The following TASP1 variants were observed in gnomAD, a reference collection of about 807,000 sequenced individuals.
TASP1 encodes the protein taspase 1.
A neutral mutation model predicts 56.6 loss-of-function variants in TASP1; 16 were observed. The observed-to-expected ratio is 0.28, with a 90% CI of 0.19 to 0.43. The LOEUF (loss-of-function observed/expected upper bound fraction) is 0.43, where lower values mean the gene tolerates loss of function less well. TASP1 is among the 20% of genes least tolerant of loss of function. TASP1 has a pLI of 1.00. For missense variants in TASP1, 393 were observed against 511.6 expected, an observed-to-expected ratio of 0.77 and a Z score of 2.24; for synonymous variants, 179 against 184.2, an observed-to-expected ratio of 0.97 and a Z score of 0.23.
the TASP1 span, among the ~76,000 whole-genome samples, chr20:13,151,865 A>T: frequency 6.6e-6 from 1 of 152,084 alleles, no homozygotes; most frequent in Non-Finnish European, 1.5e-5. Flanking sequence ...CTCTACCTAA[A>T]GTGAAGGGGG....
the TASP1 span, among the ~76,000 whole-genome samples, chr20:13,133,597 G>A: frequency 7.2e-5 from 11 of 152,166 alleles, no homozygotes; most frequent in African/African-American, 2.2e-4. Flanking sequence ...AGCTGGGCAT[G>A]GTGGCACAAA....
intron 10 of TASP1, among the ~76,000 whole-genome samples, chr20:13,505,654 G>A (rs948646637): frequency 7.2e-5 from 11 of 152,092 alleles, no homozygotes; most frequent in African/African-American, 2.7e-4. Flanking sequence ...AACACACTCT[G>A]AAAGAAACAA....
the TASP1 span, among the ~76,000 whole-genome samples, chr20:13,263,203 T>G: frequency 5.4e-4 from 82 of 152,306 alleles, 1 homozygote; most frequent in East Asian, 0.014. Context: ...GGGGAATGAT[T>G]GCCATCATAC....
At chr20:13,394,307 C>CAAAAAAAAAAAAAAAAAAAAAAAAAGAAA (rs57418361) in intron 13 of TASP1, among the ~76,000 whole-genome samples, 1 of 42,948 alleles carries the variant, frequency 2.3e-5, no homozygotes, top group African/African-American at 9.2e-5. Context: ...CACTCCCTCT[C>CAAAAAAAAAAAAAAAAAAAAAAAAAGAAA]AAAAAAAAAA....
At chr20:13,468,813 A>T (rs551726205) in intron 11 of TASP1, among the ~76,000 whole-genome samples, 2 of 152,138 alleles carry the variant, frequency 1.3e-5, no homozygotes, top group Non-Finnish European at 2.9e-5. Flanking sequence ...CTTAGGAGAA[A>T]AAAAATTTGC....
chr20:13,198,148 A>AT, the TASP1 span, among the ~76,000 whole-genome samples: 3 of 152,064 alleles, frequency 2.0e-5, no homozygotes, highest in East Asian at 3.8e-4. Flanking sequence ...GAATATCTAG[A>AT]TTTTTTTTAT....
chr20:13,499,228 A>G (rs2043851959), intron 10 of TASP1, among the ~76,000 whole-genome samples: 1 of 152,172 alleles, frequency 6.6e-6, no homozygotes, highest in Non-Finnish European at 1.5e-5. Flanking sequence ...CAAATACCAC[A>G]TGTTCACACC....
intron 4 of TASP1, among the ~76,000 whole-genome samples, chr20:13,609,226 C>CA (rs1409640913): frequency 6.6e-6 from 1 of 152,028 alleles, no homozygotes; most frequent in Non-Finnish European, 1.5e-5. Flanking sequence ...AAATGAAAAC[C>CA]AAAACTACAA....
At chr20:13,506,583 T>A (rs2044140445) in intron 10 of TASP1, among the ~76,000 whole-genome samples, 2 of 152,054 alleles carry the variant, frequency 1.3e-5, no homozygotes, top group Non-Finnish European at 2.9e-5. Flanking sequence ...TAAGGATGGC[T>A]CCCATATGCA....
chr20:13,441,322 C>T (rs1206147878), intron 11 of TASP1, among the ~76,000 whole-genome samples: 2 of 152,306 alleles, frequency 1.3e-5, no homozygotes, highest in South Asian at 2.1e-4. Context: ...GTGAACAAAG[C>T]CCCTGCATAC....
At chr20:13,160,260 A>T in the TASP1 span, 1 of 1,150,204 alleles carries the variant, frequency 8.7e-7, no homozygotes. Context: ...CACTGACAAA[A>T]GTCACTGCCA....
chr20:13,183,095 C>A, the TASP1 span, among the ~76,000 whole-genome samples: 1 of 152,202 alleles, frequency 6.6e-6, no homozygotes, highest in Non-Finnish European at 1.5e-5. Flanking sequence ...AAACATGATG[C>A]AAGCTGAGGC....
At chr20:13,538,002 C>CTT (rs202194017) in intron 8 of TASP1, among the ~76,000 whole-genome samples, 9 of 139,580 alleles carry the variant, frequency 6.4e-5, no homozygotes, top group African/African-American at 7.9e-5. Context: ...ATCTATCAGT[C>CTT]TTTTTTTTTT....
the TASP1 span, among the ~76,000 whole-genome samples, chr20:13,184,241 A>G: frequency 0.24 from 36,960 of 152,078 alleles, 4,872 homozygotes; most frequent in South Asian, 0.43. Context: ...TTATAGAACA[A>G]AAGAGAAGAA....
chr20:13,281,195 A>C, the TASP1 span, among the ~76,000 whole-genome samples: 8 of 152,332 alleles, frequency 5.3e-5, no homozygotes, highest in African/African-American at 1.7e-4. Flanking sequence ...TGAGCAAGGC[A>C]TAGTCTGTCC....
intron 8 of TASP1, among the ~76,000 whole-genome samples, chr20:13,545,733 C>T (rs1248339301): frequency 6.6e-6 from 1 of 152,124 alleles, no homozygotes; most frequent in African/African-American, 2.4e-5. Flanking sequence ...ACCTGTCTCA[C>T]ACATTTAGGC....
chr20:13,226,193 T>G, the TASP1 span, among the ~76,000 whole-genome samples: 1 of 152,238 alleles, frequency 6.6e-6, no homozygotes, highest in Admixed American at 6.5e-5. Flanking sequence ...ATCATCTTTA[T>G]GAACACTTTC....
the TASP1 span, chr20:13,160,189 G>A: frequency 1.3e-6 from 2 of 1,537,978 alleles, no homozygotes; most frequent in Middle Eastern, 1.7e-4. Flanking sequence ...TTCAAAGCAA[G>A]TCCTTTTGTT....
At chr20:13,486,164 A>G (rs1217855097) in intron 10 of TASP1, among the ~76,000 whole-genome samples, 2 of 152,180 alleles carry the variant, frequency 1.3e-5, no homozygotes, top group Non-Finnish European at 2.9e-5. Flanking sequence ...CAAAATTCCA[A>G]GGTTTCTTAG....
Sources: gnomAD v4.1 joint callset for allele counts (sites outside exome capture counted in the v4.1 genomes callset) on GRCh38, gnomAD v4.1.1 for gene constraint, MANE v1.5 for transcripts, NCBI Gene and HGNC (gene_info 2026-07-23, HGNC 2026-07-21) for gene names.